MGAM: variants seen among roughly 807,000 people sequenced by gnomAD.
MGAM encodes alpha-1,4-glucosidase.
A neutral mutation model predicts 358.8 loss-of-function variants in MGAM; 253 were observed. That is an observed-to-expected ratio of 0.71 (90% CI 0.64 to 0.78). The LOEUF is 0.78. Among genes scored for constraint, MGAM ranks in the 30% least tolerant of loss-of-function variants. The probability of loss-of-function intolerance (pLI) is 0.00; values close to 1 mark genes in which losing one functional copy is unlikely to be tolerated. For synonymous variants in MGAM, 1,105 were observed against 1,227.1 expected (o/e 0.90, Z 2.08); for missense variants, 3,080 against 3,432.6 (o/e 0.90, Z 2.57).
intron 66 of MGAM, 91 bp from the exon 67 acceptor site, chr7:142,099,522 C>T: frequency 1.3e-6 from 2 of 1,593,568 alleles, no homozygotes; most frequent in Non-Finnish European, 1.7e-6. Context: ...GGCATAAGTT[C>T]AGAAGGGAGG....
chr7:142,094,533 G>C, intron 61 of MGAM, 36 bp downstream of exon 61: 1 of 1,555,686 alleles, frequency 6.4e-7, no homozygotes, highest in Non-Finnish European at 8.8e-7. Flanking sequence ...TGCCGGTAGG[G>C]CAGGGAGTTG....
chr7:142,026,849 T>C (rs554547459), intron 8 of MGAM, among the ~76,000 whole-genome samples: 44 of 152,272 alleles, frequency 2.9e-4, no homozygotes, highest in Admixed American at 2.3e-3. Flanking sequence ...GGCTGCTTTT[T>C]CCCCAGAACC....
chr7:142,032,978 T>G (rs1292671351), intron 14 of MGAM, 69 bp downstream of exon 14: 1 of 1,039,306 alleles, frequency 9.6e-7, no homozygotes, highest in Non-Finnish European at 1.4e-6. Context: ...TAAGGACAGA[T>G]CTGAAAAATC....
chr7:142,027,257 A>G, intron 9 of MGAM, 30 bp downstream of exon 9: 1 of 1,509,756 alleles, frequency 6.6e-7, no homozygotes, highest in African/African-American at 1.4e-5. Context: ...ATTATGACTC[A>G]GGAAATCCTA....
chr7:142,092,602 A>G lies in MGAM; in HGVS notation c.7027A>G (p.Met2343Val), dbSNP rs2010241180. Reference sequence around the variant, plus strand: ...TGCCTCTCTGAACCACCCTCCCTACATGCCGTGTAAGAATCCTTGGCCTTC... The same window carrying G: ...TGCCTCTCTGAACCACCCTCCCTACGTGCCGTGTAAGAATCCTTGGCCTTC... Reference protein sequence around the residue: ...RDASLNHPPYMPYLESRDRGL... With the variant: ...RDASLNHPPYVPYLESRDRGL... The change falls in exon 59 of 71, where the codon ATG (methionine) becomes GTG (valine). Residue 2343 changes from methionine to valine, a missense_variant. Physicochemically the swap from Met to Val is conservative, Grantham distance 21. Transcript: ENST00000475668. 1 of 1,536,608 alleles carries G rather than the reference A, an allele frequency of 6.5e-7. No homozygotes were observed. Among genetic ancestry groups the G allele is most frequent in the Non-Finnish European group, 8.9e-7 (1 of 1,121,320 alleles).
chr7:141,999,993 T>A (rs1164070277), intron 1 of MGAM, among the ~76,000 whole-genome samples: 1 of 152,152 alleles, frequency 6.6e-6, no homozygotes, highest in East Asian at 1.9e-4. Context: ...TATTTGAAAA[T>A]ATGGAGCAAA....
In MGAM at chr7:142,032,782, A is replaced by ACATGTTACTTTTTCTTAATAGTTTTTGCT. The variant is rs538384515; in HGVS notation, c.1585-41_1585-13dup. On this transcript the variant is annotated intron_variant, in intron 13 of 70. Transcript: ENST00000475668. ...GACACCATCACGACATCATAAGATA[A>ACATGTTACTTTTTCTTAATAGTTTTTGCT]CATGTTACTTTTTCTTAATAGTTTT... 2.0e-4 allele frequency: 249 copies of ACATGTTACTTTTTCTTAATAGTTTTTGCT among 1,222,746 alleles called. 3 individuals are homozygous for ACATGTTACTTTTTCTTAATAGTTTTTGCT. The South Asian group carries it at 3.2e-3, about 15-fold the overall frequency. 75.7% of individuals were successfully genotyped at this position (1,222,746 alleles called of 1,614,324 possible).
intron 66 of MGAM, among the ~76,000 whole-genome samples, chr7:142,099,299 GA>G (rs1816235422): frequency 1.3e-5 from 2 of 152,154 alleles, no homozygotes; most frequent in South Asian, 4.1e-4. Context: ...CTCTAGTTGA[GA>G]ACATGTAGGA....
Position 142,042,480 on chromosome 7 carries a change from A to G in MGAM, c.2498+1634A>G, listed in dbSNP as rs1288913647. On this transcript the variant is annotated intron_variant, in intron 21 of 70. Transcript: ENST00000475668. ...ACATATAATATATAATATATAATAT[A>G]TATTATATACATATATATAATATAT... is the stretch of plus-strand genomic sequence containing the variant. 1.9e-4 allele frequency among the ~76,000 whole-genome samples: 2 copies of G among 10,302 alleles called. 1 individual carries two copies. The highest frequency in any genetic ancestry group is 3.0e-4 in the Non-Finnish European group (2 of 6,704). 6.8% of individuals were successfully genotyped at this position (10,302 alleles called of 152,430 possible).
At position 142,103,267 on chromosome 7, in the gene MGAM, A is replaced by C. The variant is rs1205517143; in HGVS notation, c.8014-2A>C. 6.3e-7 allele frequency: 1 copy of C among 1,581,534 alleles called. No individual in the cohort carries two copies. The highest frequency in any genetic ancestry group is 8.6e-7 in the Non-Finnish European group (1 of 1,167,312). On this transcript the variant is annotated splice_acceptor_variant, in intron 69 of 70. Transcript: ENST00000475668. LOFTEE classifies it high-confidence loss of function. ...ATTTTTCTTTTATCTCCAATTCAACAGAATACGATGCAAAGCCATATAATT... is the reference window on the plus strand; with the variant it reads ...ATTTTTCTTTTATCTCCAATTCAACCGAATACGATGCAAAGCCATATAATT...
intron 30 of MGAM, among the ~76,000 whole-genome samples, chr7:142,057,814 A>C (rs1811707765): frequency 6.6e-6 from 1 of 152,146 alleles, no homozygotes; most frequent in African/African-American, 2.4e-5. Flanking sequence ...TATCAGGCAG[A>C]TGCTATTATT....
At chr7:142,087,035 C>G (rs144494966) in intron 57 of MGAM, among the ~76,000 whole-genome samples, 8,382 of 94,650 alleles carry the variant, frequency 0.089, 943 homozygotes, top group Middle Eastern at 0.14. Flanking sequence ...GAAATTCCCA[C>G]TGGGCGATAC....
Position 142,079,523 on chromosome 7 carries a change from A to G in MGAM, c.5847+515A>G, listed in dbSNP as rs961842027. On this transcript the variant is annotated intron_variant, in intron 49 of 70. Transcript: ENST00000475668. Reference sequence around the variant, plus strand: ...TTGATCAATGTAAGATGATATGTTCAGTTTGGGATACTGAATTTGAGATAC... The same window carrying G: ...TTGATCAATGTAAGATGATATGTTCGGTTTGGGATACTGAATTTGAGATAC... 1.4e-5 allele frequency among the ~76,000 whole-genome samples: 2 copies of G among 146,120 alleles called. 1 individual carries two copies. The highest frequency in any genetic ancestry group is 3.1e-5 in the Non-Finnish European group (2 of 64,516).
chr7:142,024,741 C>T (rs1806795160), intron 7 of MGAM, among the ~76,000 whole-genome samples: 1 of 152,098 alleles, frequency 6.6e-6, no homozygotes, highest in South Asian at 2.1e-4. Context: ...TTAAGACAGG[C>T]CTCTTTGAGA....
chr7:142,005,495 T>C (rs1340970335), intron 1 of MGAM, 34 bp from the exon 2 acceptor site: 3 of 1,435,706 alleles, frequency 2.1e-6, no homozygotes, highest in African/African-American at 2.9e-5. Flanking sequence ...GTAAATCAAA[T>C]TCAAATCTAA....
chr7:142,049,331 G>T (rs1358708946), intron 22 of MGAM, among the ~76,000 whole-genome samples: 1 of 152,064 alleles, frequency 6.6e-6, no homozygotes, highest in Non-Finnish European at 1.5e-5. Flanking sequence ...AAATGTAAGG[G>T]TTGAAATTGT....
chr7:142,097,720 C>A (rs1323688950), intron 66 of MGAM, 71 bp downstream of exon 66: 11 of 1,478,070 alleles, frequency 7.4e-6, no homozygotes, highest in South Asian at 6.9e-5. Flanking sequence ...ATCTGATAGA[C>A]CTTAGGTCAA....
In MGAM at chr7:142,019,242, CTG is replaced by C. The variant is rs1236446105; in HGVS notation, c.373_374del (p.Val125LysfsTer12). The C allele has an allele frequency of 6.2e-7, 1 of 1,613,572 alleles. No homozygotes were observed. Among genetic ancestry groups the C allele is most frequent in the African/African-American group, 1.3e-5 (1 of 74,906 alleles). On this transcript the variant is annotated frameshift_variant, in exon 4 of 71. Transcript: ENST00000475668. LOFTEE classifies it high-confidence loss of function. ...GGCTGTTGCTGGAATCCCCAGGGAG[CTG>C]TAAGTGTTCCCTGGTGCTACTATTC...
intron 57 of MGAM, among the ~76,000 whole-genome samples, chr7:142,088,747 G>A (rs77593947): frequency 0.02 from 1,823 of 93,426 alleles, 58 homozygotes; most frequent in African/African-American, 0.061. Context: ...CTGTCTGTCT[G>A]TCTATCTATC....
Sources: gnomAD v4.1 joint callset for allele counts (sites outside exome capture counted in the v4.1 genomes callset) on GRCh38, gnomAD v4.1.1 for gene constraint, MANE v1.5 for transcripts, NCBI Gene and HGNC (gene_info 2026-07-23, HGNC 2026-07-21) for gene names.